Variants in TOGARAM2 observed in about 807,000 individuals in gnomAD.
TOGARAM2 encodes TOG array regulator of axonemal microtubules protein 2.
TOGARAM2 carries 85 observed loss-of-function variants against 93.3 expected under a neutral mutation model. That is an observed-to-expected ratio of 0.91 (90% confidence interval 0.76 to 1.09). The LOEUF is 1.09. TOGARAM2 is among the 50% of genes least tolerant of loss of function. The probability of loss-of-function intolerance (pLI) is 0.00; values close to 1 mark genes in which losing one functional copy is unlikely to be tolerated. For synonymous variants in TOGARAM2, 593 were observed against 552.8 expected (o/e 1.07, Z -1.02); for missense variants, 1,277 against 1,334.5 (o/e 0.96, Z 0.67).
chr2:29,030,897 C>T (rs972504468), intron 14 of TOGARAM2, among the ~76,000 whole-genome samples: 1 of 152,190 alleles, frequency 6.6e-6, no homozygotes, highest in Non-Finnish European at 1.5e-5. Flanking sequence ...GTCCTACTGC[C>T]ATCTGCAGTG....
At chr2:29,031,083 G>A (rs191677415) in intron 14 of TOGARAM2, among the ~76,000 whole-genome samples, 28 of 152,316 alleles carry the variant, frequency 1.8e-4, no homozygotes, top group Non-Finnish European at 2.2e-4. Context: ...TTTAAAATTG[G>A]CATGTATCTT....
chr2:28,964,847 C>T (rs531530006), intron 1 of TOGARAM2, among the ~76,000 whole-genome samples: 24 of 152,298 alleles, frequency 1.6e-4, no homozygotes, highest in Middle Eastern at 3.4e-3. Flanking sequence ...GCATAGTATT[C>T]CATGGTGTAT....
intron 1 of TOGARAM2, among the ~76,000 whole-genome samples, chr2:28,968,377 C>T (rs189598534): frequency 2.0e-5 from 3 of 152,172 alleles, no homozygotes; most frequent in African/African-American, 7.2e-5. Context: ...GTATGTTCTG[C>T]TCTCATATTC....
At chr2:29,007,253 G>A (rs1663940305) in intron 6 of TOGARAM2, among the ~76,000 whole-genome samples, 1 of 152,090 alleles carries the variant, frequency 6.6e-6, no homozygotes, top group African/African-American at 2.4e-5. Context: ...AGTTTCTCCT[G>A]GCTGATGTGA....
chr2:29,044,369 G>A (rs1329262748), intron 18 of TOGARAM2, among the ~76,000 whole-genome samples: 1 of 152,186 alleles, frequency 6.6e-6, no homozygotes, highest in Non-Finnish European at 1.5e-5. Flanking sequence ...TCAGGCCAGG[G>A]CAGTGAGGTC....
rs552831870 is a variant in TOGARAM2, at chr2:29,036,608, C to T, written c.2486C>T (p.Ser829Phe). 2.0e-5 allele frequency: 32 copies of T among 1,613,898 alleles called. No homozygotes were observed. The South Asian group carries it at 3.4e-4, about 17-fold the overall frequency. The stretch of plus-strand genomic sequence containing the variant: ...AAAGTGAACCAGTGGGCGCTGGAGT[C>T]CTTCGCCAAGATGATCCCCCTCCTC... ...NKKVNQWALE[S>F]FAKMIPLLRE... The change falls in exon 18 of 20, where the codon TCC becomes TTC. Residue 829 changes from serine (S) to phenylalanine (F), a missense_variant. By Grantham distance (155) the Ser-to-Phe change is radical (BLOSUM62 -2). Coordinates refer to ENST00000379558, the MANE Select transcript of TOGARAM2 (RefSeq NM_199280.4).
intron 18 of TOGARAM2, 96 bp from the exon 19 acceptor site, chr2:29,045,228 C>A: frequency 1.1e-6 from 1 of 923,000 alleles, no homozygotes; most frequent in Non-Finnish European, 1.7e-6. Flanking sequence ...AGGCCTCATC[C>A]CCTTGCAGGT....
chr2:29,027,564 G>C (rs1665483450), intron 14 of TOGARAM2, among the ~76,000 whole-genome samples: 3 of 151,296 alleles, frequency 2.0e-5, no homozygotes, highest in Admixed American at 6.6e-5. Flanking sequence ...CAGGAGTTGA[G>C]ACTGGGCAAC....
intron 10 of TOGARAM2, among the ~76,000 whole-genome samples, 173 bp from the exon 11 acceptor site, chr2:29,021,985 G>A (rs1664977244): frequency 6.6e-6 from 1 of 152,170 alleles, no homozygotes; most frequent in African/African-American, 2.4e-5. Flanking sequence ...GGGGAGGGAG[G>A]CCCAGGCGCT....
Position 29,002,685 on chromosome 2 carries a change from A to C in TOGARAM2, c.577A>C (p.Lys193Gln). ...TTPEASGVKEKGLDLPGSIPG... is the reference protein window; with the variant it reads ...TTPEASGVKEQGLDLPGSIPG... The stretch of plus-strand genomic sequence containing the variant: ...CCCTGAGGCCAGCGGAGTCAAAGAG[A>C]AGGGCCTGGACCTACCGGGGAGCAT... Residue 193 changes from lysine to glutamine, a missense_variant, in exon 5 of 20, where the codon AAG becomes CAG. Transcript: ENST00000379558. 6.2e-7 allele frequency: 1 copy of C among 1,613,954 alleles called. No homozygotes were observed. The highest frequency in any genetic ancestry group is 1.1e-5 in the South Asian group (1 of 91,064).
chr2:29,005,858 A>G (rs534006554), intron 6 of TOGARAM2, among the ~76,000 whole-genome samples: 7 of 139,968 alleles, frequency 5.0e-5, no homozygotes, highest in African/African-American at 1.9e-4. Context: ...ATGTGTGTGC[A>G]TATGTGTCAG....
chr2:29,000,953 T>C lies in TOGARAM2; in HGVS notation c.427+1485T>C, dbSNP rs182604478. ...AGCCCTTTTCTAGATATTTCATTTC[T>C]TTTTTACAAAGTTCCAGCATAGGGA... On this transcript the variant is annotated intron_variant, in intron 4 of 19. Transcript: ENST00000379558. 2.8e-4 allele frequency among the ~76,000 whole-genome samples: 42 copies of C among 152,368 alleles called. No homozygotes were observed. The East Asian group carries it at 6.0e-3, about 22-fold the overall frequency.
intron 17 of TOGARAM2, among the ~76,000 whole-genome samples, chr2:29,036,165 T>G (rs1166800621): frequency 6.6e-6 from 1 of 152,168 alleles, no homozygotes; most frequent in African/African-American, 2.4e-5. Context: ...CCAAGCTTCT[T>G]ACTAGCTGTG....
chr2:29,005,912 TAA>T, intron 6 of TOGARAM2, among the ~76,000 whole-genome samples: 1 of 149,114 alleles, frequency 6.7e-6, no homozygotes, highest in East Asian at 2.0e-4. Flanking sequence ...TGCGTGTGTG[TAA>T]GTGCATGTGT....
intron 4 of TOGARAM2, 95 bp downstream of exon 4, chr2:28,999,563 G>T: frequency 7.1e-7 from 1 of 1,403,462 alleles, no homozygotes. Context: ...CTTCCAGGTG[G>T]CATGCTGGGA....
intron 7 of TOGARAM2, among the ~76,000 whole-genome samples, chr2:29,013,608 C>G (rs1664381982): frequency 6.6e-6 from 1 of 152,162 alleles, no homozygotes; most frequent in African/African-American, 2.4e-5. Context: ...TGTTTAAGGG[C>G]AGGAGGAGTA....
intron 1 of TOGARAM2, among the ~76,000 whole-genome samples, chr2:28,992,141 C>T (rs1009379408): frequency 6.6e-6 from 1 of 152,132 alleles, no homozygotes. Context: ...TGGTGTCTGC[C>T]CTGTCCACAC....
chr2:29,005,267 GGAGT>G (rs1428096411), intron 6 of TOGARAM2, among the ~76,000 whole-genome samples: 1 of 147,180 alleles, frequency 6.8e-6, no homozygotes. Context: ...GCATGTGTGT[GGAGT>G]GTGTGTGCAT....
intron 8 of TOGARAM2, among the ~76,000 whole-genome samples, chr2:29,016,707 G>T (rs1664593167): frequency 6.6e-6 from 1 of 152,188 alleles, no homozygotes; most frequent in East Asian, 1.9e-4. Context: ...CTTGTGTCCT[G>T]TCACTTCTCT....
Sources: gnomAD v4.1 joint callset for allele counts (sites outside exome capture counted in the v4.1 genomes callset) on GRCh38, gnomAD v4.1.1 for gene constraint, MANE v1.5 for transcripts, NCBI Gene and HGNC (gene_info 2026-07-23, HGNC 2026-07-21) for gene names.